The following APAF1 variants were observed in gnomAD, a reference collection of about 807,000 sequenced individuals.
APAF1 encodes the protein apoptotic peptidase activating factor 1.
A neutral mutation model predicts 152.4 loss-of-function variants in APAF1; 91 were observed. That is an observed-to-expected ratio of 0.60 (90% CI 0.50 to 0.71). APAF1 has a LOEUF of 0.71. Ranked by LOEUF, APAF1 falls within the 30% of genes least tolerant of loss-of-function variation. The pLI is 0.00. For missense variants in APAF1, 1,283 were observed against 1,472.0 expected (o/e 0.87, Z 2.10); for synonymous variants, 484 against 494.1 (o/e 0.98, Z 0.27).
In APAF1 at chr12:98,682,052, G is replaced by GTT. The variant is rs923577593; in HGVS notation, c.2047-1073_2047-1072dup. 2.4e-3 allele frequency among the ~76,000 whole-genome samples: 302 copies of GTT among 123,848 alleles called. 3 individuals carry two copies. Among genetic ancestry groups the GTT allele is most frequent in the African/African-American group, 5.1e-3 (168 of 33,170 alleles). The allele number at this position is 123,848 out of a possible 152,430, so 81.2% of individuals were successfully genotyped here. A position where few individuals can be genotyped will look rare whatever the true frequency, so the allele number is the denominator to read the frequency against. ...AACTAGAATGATGATTAATTTTTTTGTTTTTTTTTTTTTTTTTTTGAGACG... is the reference window on the plus strand; with the variant it reads ...AACTAGAATGATGATTAATTTTTTTGTTTTTTTTTTTTTTTTTTTTTGAGACG... On this transcript the variant is annotated intron_variant, in intron 14 of 26. Coordinates refer to ENST00000551964, the MANE Select transcript of APAF1 (RefSeq NM_181861.2).
In APAF1 at chr12:98,703,375, T is replaced by A. The variant is rs986611316; in HGVS notation, c.2471T>A (p.Phe824Tyr). The change falls in exon 18 of 27, where the codon TTT becomes TAT. Residue 824 changes from phenylalanine to tyrosine, a missense_variant. By Grantham distance (22) the Phe-to-Tyr change is conservative. Coordinates refer to ENST00000551964, the MANE Select transcript of APAF1 (RefSeq NM_181861.2). Reference protein sequence around the residue: ...MVAAKNKIFLFDIHTSGLLGE... With the variant: ...MVAAKNKIFLYDIHTSGLLGE... Reference sequence around the variant, plus strand: ...TATCTCTATTTATGTTGACAGCTTTTTGACATTCATACTAGTGGCCTATTG... The same window carrying A: ...TATCTCTATTTATGTTGACAGCTTTATGACATTCATACTAGTGGCCTATTG... The A allele has an allele frequency of 1.9e-6, 3 of 1,614,044 alleles. No homozygotes were observed. Among genetic ancestry groups the A allele is most frequent in the Non-Finnish European group, 2.5e-6 (3 of 1,180,000 alleles).
At chr12:98,680,429 G>A (rs769794217) in intron 14 of APAF1, 27 bp downstream of exon 14, 2 of 1,608,734 alleles carry the variant, frequency 1.2e-6, no homozygotes, top group Admixed American at 3.3e-5. Context: ...CTCTTGAGTT[G>A]TAATCACAAC....
In APAF1 at chr12:98,725,480, C is replaced by G. The variant is rs1303333746; in HGVS notation, c.3396C>G (p.Cys1132Trp). ...GGGGCCACAACGGCTGTGTGCGCTG[C>G]TCTGCCTTCTCTGTGGACAGTACCC... Reference protein sequence around the residue: ...ELRGHNGCVRCSAFSVDSTLL... With the variant: ...ELRGHNGCVRWSAFSVDSTLL... Residue 1132 changes from cysteine (C) to tryptophan (W), a missense_variant, in exon 25 of 27, where the codon TGC becomes TGG. Cys to Trp is a radical substitution (Grantham distance 215). Transcript: ENST00000551964. The G allele has an allele frequency of 1.9e-6, 3 of 1,614,156 alleles. No individual in the cohort carries two copies. Among genetic ancestry groups the G allele is most frequent in the Non-Finnish European group, 2.5e-6 (3 of 1,180,024 alleles).
chr12:98,660,338 C>G (rs1036524983), intron 5 of APAF1, among the ~76,000 whole-genome samples: 1 of 151,614 alleles, frequency 6.6e-6, no homozygotes, highest in African/African-American at 2.4e-5. Context: ...AGAGGAAGAC[C>G]CTGTTTCAAT....
chr12:98,664,980 A>G (rs922121965), intron 7 of APAF1, among the ~76,000 whole-genome samples: 1 of 151,938 alleles, frequency 6.6e-6, no homozygotes, highest in African/African-American at 2.4e-5. Context: ...GTTGTTTAAG[A>G]TTTTTTCACT....
intron 26 of APAF1, among the ~76,000 whole-genome samples, chr12:98,728,555 G>T (rs1473837542): frequency 7.9e-6 from 1 of 127,058 alleles, no homozygotes; most frequent in Non-Finnish European, 1.7e-5. Context: ...CGCCATCTCT[G>T]CTAAAAAATA....
rs200521786 is a variant in APAF1, at chr12:98,694,877, A to ATT, written c.2305-4514_2305-4513dup. Among the ~76,000 whole-genome samples the ATT allele has an allele frequency of 3.1e-3, 420 of 133,900 alleles. 4 individuals carry two copies. Among genetic ancestry groups the ATT allele is most frequent in the African/African-American group, 0.011 (384 of 36,400 alleles). The allele number at this position is 133,900 out of a possible 152,430, so 87.8% of individuals were successfully genotyped here. A position where few individuals can be genotyped will look rare whatever the true frequency, so the allele number is the denominator to read the frequency against. ...GGGTTATCTGTTTTTATCATGAACA[A>ATT]TTTTTTTTTTTTTTTTTTAGACAGT... On this transcript the variant is annotated intron_variant, in intron 16 of 26. Coordinates refer to ENST00000551964, the MANE Select transcript of APAF1 (RefSeq NM_181861.2).
intron 12 of APAF1, among the ~76,000 whole-genome samples, chr12:98,672,880 G>A (rs148475519): frequency 2.0e-5 from 3 of 150,736 alleles, no homozygotes; most frequent in African/African-American, 4.9e-5. Flanking sequence ...TCAGCCTCCC[G>A]AGTAGCTGGA....
intron 22 of APAF1, among the ~76,000 whole-genome samples, chr12:98,720,329 A>G (rs1035034718): frequency 3.9e-5 from 6 of 152,250 alleles, no homozygotes; most frequent in African/African-American, 1.2e-4. Context: ...TTACATTTAC[A>G]GTGTTTTAAA....
intron 10 of APAF1, among the ~76,000 whole-genome samples, chr12:98,669,687 G>T (rs559134996): frequency 6.6e-6 from 1 of 152,108 alleles, no homozygotes; most frequent in Non-Finnish European, 1.5e-5. Context: ...TATTCATCTG[G>T]TTATTTTCTT....
At chr12:98,725,336 T>C in intron 24 of APAF1, 79 bp from the exon 25 acceptor site, 1 of 1,576,934 alleles carries the variant, frequency 6.3e-7, no homozygotes, top group Non-Finnish European at 8.7e-7. Flanking sequence ...GTGATTGAAT[T>C]TATGGCTGAA....
At chr12:98,694,349 T>A (rs1380252265) in intron 16 of APAF1, among the ~76,000 whole-genome samples, 5 of 152,196 alleles carry the variant, frequency 3.3e-5, no homozygotes, top group Non-Finnish European at 7.4e-5. Context: ...GAATGGTGGC[T>A]TCTTTCAATC....
Position 98,686,772 on chromosome 12 carries a change from T to A in APAF1, c.2203T>A (p.Cys735Ser). The change falls in exon 16 of 27, where the codon TGT (cysteine) becomes AGT (serine). Residue 735 changes from cysteine to serine, a missense_variant. Coordinates refer to ENST00000551964, the MANE Select transcript of APAF1 (RefSeq NM_181861.2). ...LKLWDLNQKE[C>S]RNTMFGHTNS... Reference sequence around the variant, plus strand: ...GCTTTGGGATTTGAATCAAAAAGAATGTCGAAATACCATGTTTGGTCATAC... The same window carrying A: ...GCTTTGGGATTTGAATCAAAAAGAAAGTCGAAATACCATGTTTGGTCATAC... The A allele has an allele frequency of 6.2e-7, 1 of 1,613,820 alleles. No homozygotes were observed. The highest frequency in any genetic ancestry group is 8.5e-7 in the Non-Finnish European group (1 of 1,179,866).
rs1370209292 is a variant in APAF1, at chr12:98,680,327, G to A, written c.1971G>A (p.Glu657=). The A allele has an allele frequency of 6.2e-7, 1 of 1,613,518 alleles. No individual in the cohort carries two copies. The highest frequency in any genetic ancestry group is 8.5e-7 in the Non-Finnish European group (1 of 1,179,772). The change falls in exon 14 of 27, where the codon GAG becomes GAA. Residue 657 remains glutamate (E), a synonymous_variant. Transcript: ENST00000551964. The stretch of plus-strand genomic sequence containing the variant: ...AACTTCTAGAAATCAAGGCTCATGA[G>A]GATGAAGTGCTTTGTTGTGCATTCT... ...GEKLLEIKAH[E]DEVLCCAFST... is the part of the protein sequence containing the mutation.
chr12:98,730,041 T>G (rs1334685768), intron 26 of APAF1, among the ~76,000 whole-genome samples: 1 of 152,230 alleles, frequency 6.6e-6, no homozygotes, highest in Non-Finnish European at 1.5e-5. Context: ...TTATCCTAAT[T>G]TGATCATTAC....
chr12:98,688,660 T>TTTA (rs1415728007), intron 16 of APAF1, among the ~76,000 whole-genome samples: 1 of 135,936 alleles, frequency 7.4e-6, no homozygotes, highest in African/African-American at 2.7e-5. Flanking sequence ...TTTTTTTTTT[T>TTTA]AGAGATAGGA....
intron 22 of APAF1, 81 bp from the exon 23 acceptor site, chr12:98,723,112 A>G: frequency 1.4e-6 from 2 of 1,461,462 alleles, no homozygotes; most frequent in Non-Finnish European, 1.9e-6. Flanking sequence ...ACTTTAGACA[A>G]GAGAATGTAC....
chr12:98,677,416 T>C lies in APAF1; in HGVS notation c.1794-9T>C, dbSNP rs1235371101. ...ATTTAATTTCTGTTCATTTTTTCCC[T>C]GTATTTAGAAACAAAAAAAACATCA... is the stretch of plus-strand genomic sequence containing the variant. On this transcript the variant is annotated splice_polypyrimidine_tract_variant and intron_variant, in intron 12 of 26. Transcript: ENST00000551964. The C allele has an allele frequency of 3.7e-6, 6 of 1,613,770 alleles. No individual in the cohort carries two copies. Among genetic ancestry groups the C allele is most frequent in the Non-Finnish European group, 5.1e-6 (6 of 1,179,836 alleles).
chr12:98,724,226 G>A (rs1194894160), intron 24 of APAF1, among the ~76,000 whole-genome samples: 1 of 151,970 alleles, frequency 6.6e-6, no homozygotes, highest in African/African-American at 2.4e-5. Flanking sequence ...GAATTGTCAG[G>A]GCTGTATCCT....
Sources: allele counts gnomAD v4.1 joint callset (sites outside exome capture counted in the v4.1 genomes callset), GRCh38; gene constraint gnomAD v4.1.1; transcripts MANE v1.5; gene names NCBI Gene and HGNC (gene_info 2026-07-23, HGNC 2026-07-21).